The following ZFYVE28 variants were observed in gnomAD, a reference collection of about 807,000 sequenced individuals.
ZFYVE28 encodes the protein zinc finger FYVE-type containing 28, also known as lateral signaling target protein 2 homolog.
A neutral mutation model predicts 82.1 loss-of-function variants in ZFYVE28; 40 were observed. The observed-to-expected ratio is 0.49, with a 90% CI of 0.38 to 0.63. The LOEUF (loss-of-function observed/expected upper bound fraction) is 0.63, where lower values mean the gene tolerates loss of function less well. Ranked by LOEUF, ZFYVE28 falls within the 30% of genes least tolerant of loss-of-function variation. The pLI, the probability that ZFYVE28 is intolerant of heterozygous loss-of-function variation, is 0.00. For synonymous variants in ZFYVE28, 612 were observed against 546.1 expected, an observed-to-expected ratio of 1.12 and a Z score of -1.68; for missense variants, 1,321 against 1,242.1, an observed-to-expected ratio of 1.06 and a Z score of -0.96.
intron 8 of ZFYVE28, among the ~76,000 whole-genome samples, chr4:2,274,707 A>T (rs576826770): frequency 4.6e-5 from 7 of 152,278 alleles, no homozygotes; most frequent in Admixed American, 2.0e-4. Flanking sequence ...AGATGAAGAG[A>T]TTGCCCTGAA....
intron 5 of ZFYVE28, among the ~76,000 whole-genome samples, chr4:2,336,475 G>A (rs1282044500): frequency 6.6e-6 from 1 of 152,032 alleles, no homozygotes. Context: ...AAACATCAAG[G>A]TTACATCTTA....
intron 6 of ZFYVE28, among the ~76,000 whole-genome samples, chr4:2,328,020 A>C (rs920275048): frequency 2.6e-5 from 4 of 152,040 alleles, no homozygotes; most frequent in Non-Finnish European, 5.9e-5. Context: ...AAAACTACAA[A>C]TATAATTGCC....
At chr4:2,275,075 G>C (rs986266656) in intron 8 of ZFYVE28, among the ~76,000 whole-genome samples, 6 of 152,076 alleles carry the variant, frequency 3.9e-5, no homozygotes, top group Admixed American at 2.6e-4. Context: ...GGACCTCCAG[G>C]GGCCTCTGCA....
At chr4:2,361,847 T>C (rs1726209078) in intron 1 of ZFYVE28, among the ~76,000 whole-genome samples, 1 of 152,168 alleles carries the variant, frequency 6.6e-6, no homozygotes. Flanking sequence ...AGACACCTTG[T>C]CACTCCAGGG....
Position 2,362,501 on chromosome 4 carries a change from C to T in ZFYVE28, c.40-8428G>A, listed in dbSNP as rs370230238. Among the ~76,000 whole-genome samples the T allele has an allele frequency of 1.8e-4, 28 of 152,218 alleles. 1 individual carries two copies. In the South Asian group the frequency reaches 5.8e-3, roughly 32 times the overall value. ...TTGTTCACTGCTGCCAATCACAGGC[C>T]CAGCCCCTCCTGCACATGCCCAACC... On this transcript the variant is annotated intron_variant, in intron 1 of 12. Coordinates refer to ENST00000290974, the MANE Select transcript of ZFYVE28 (RefSeq NM_020972.3). This position sits in a 1 kb window ranked among gnomAD's most constrained non-coding sequence, Gnocchi z 5.1.
intron 8 of ZFYVE28, among the ~76,000 whole-genome samples, chr4:2,294,381 T>G (rs146293446): frequency 6.6e-6 from 1 of 152,222 alleles, no homozygotes; most frequent in Non-Finnish European, 1.5e-5. Context: ...TCTGGAATAA[T>G]TGACTTTCCT....
chr4:2,344,702 G>A (rs992244748), intron 2 of ZFYVE28, among the ~76,000 whole-genome samples: 2 of 151,644 alleles, frequency 1.3e-5, no homozygotes, highest in Admixed American at 1.3e-4. Context: ...TTCGAGACCA[G>A]CCAGGCCAAC....
intron 6 of ZFYVE28, among the ~76,000 whole-genome samples, chr4:2,333,339 C>T (rs1721032561): frequency 1.3e-5 from 2 of 148,224 alleles, no homozygotes; most frequent in Non-Finnish European, 3.0e-5. Context: ...CCTCCCCTTG[C>T]CTCCCAGGAT....
chr4:2,347,400 C>G (rs1332464619), intron 2 of ZFYVE28, among the ~76,000 whole-genome samples: 1 of 152,182 alleles, frequency 6.6e-6, no homozygotes, highest in Non-Finnish European at 1.5e-5. Flanking sequence ...CTTAGCAATG[C>G]TGCTAAAACA....
chr4:2,330,000 G>T (rs1720420641), intron 6 of ZFYVE28, among the ~76,000 whole-genome samples: 1 of 152,170 alleles, frequency 6.6e-6, no homozygotes, highest in Non-Finnish European at 1.5e-5. Context: ...AAGAGTTATA[G>T]TCTAGTGGGG....
rs1029687370 is a variant in ZFYVE28, at chr4:2,332,304, C to A, written c.701+3401G>T. Among the ~76,000 whole-genome samples the A allele has an allele frequency of 1.3e-5, 2 of 152,152 alleles. No homozygotes were observed. The highest frequency in any genetic ancestry group is 4.8e-5 in the African/African-American group (2 of 41,424). ...GCCCAGGAATGCAGGCTAGAGGGGT[C>A]TTCATTTCTGCAGAAGTTCCTGCGG... On this transcript the variant is annotated intron_variant, in intron 6 of 12. Coordinates refer to ENST00000290974, the MANE Select transcript of ZFYVE28 (RefSeq NM_020972.3). The surrounding 1 kb of genome is among the most constrained non-coding windows in gnomAD (Gnocchi z 4.7).
rs554453778 is a variant in ZFYVE28 at position 2,306,467 on chromosome 4, T to C, written c.804-931A>G. Among the ~76,000 whole-genome samples the C allele has an allele frequency of 9.2e-5, 14 of 152,280 alleles. No individual in the cohort carries two copies. In the East Asian group the frequency reaches 2.5e-3, roughly 27 times the overall value. On this transcript the variant is annotated intron_variant, in intron 7 of 12. Coordinates refer to ENST00000290974, the MANE Select transcript of ZFYVE28 (RefSeq NM_020972.3). ...CTCGCATGACACCATCCTGACTCCA[T>C]AGGCCGAGGCACGCACCTGCTCTGC...
At chr4:2,384,137 C>T (rs1478790266) in intron 1 of ZFYVE28, among the ~76,000 whole-genome samples, 1 of 152,154 alleles carries the variant, frequency 6.6e-6, no homozygotes, top group Non-Finnish European at 1.5e-5. Context: ...CCACATTCTA[C>T]CCACAGGGAA....
At chr4:2,382,766 G>A (rs989710782) in intron 1 of ZFYVE28, among the ~76,000 whole-genome samples, 6 of 152,100 alleles carry the variant, frequency 3.9e-5, no homozygotes, top group Non-Finnish European at 7.4e-5. Context: ...TCCATTTTTA[G>A]GCTGCTGATA....
intron 8 of ZFYVE28, among the ~76,000 whole-genome samples, chr4:2,292,488 T>C (rs932280880): frequency 6.6e-6 from 1 of 152,132 alleles, no homozygotes; most frequent in Non-Finnish European, 1.5e-5. Context: ...GGCAGGGCTG[T>C]GGCGAGGGCC....
At chr4:2,368,646 AT>A (rs1197582578) in intron 1 of ZFYVE28, among the ~76,000 whole-genome samples, 1 of 152,216 alleles carries the variant, frequency 6.6e-6, no homozygotes, top group Non-Finnish European at 1.5e-5. Context: ...GTTCATCCAC[AT>A]TACAGCATAA....
chr4:2,336,683 A>T (rs1721759453), intron 5 of ZFYVE28, among the ~76,000 whole-genome samples: 1 of 150,832 alleles, frequency 6.6e-6, no homozygotes, highest in South Asian at 2.1e-4. Context: ...AGGATTGAGG[A>T]GGTGAGGAGT....
rs149721712 is a variant in ZFYVE28 at position 2,305,013 on chromosome 4, C to T, written c.1327G>A (p.Gly443Arg). 9.5e-5 allele frequency: 153 copies of T among 1,612,784 alleles called. 1 individual carries two copies. The South Asian group carries it at 1.4e-3, about 14-fold the overall frequency. ...GCGGGCAAGCTGATCCCCGCCGCTC[C>T]GCCTGGCCCACCCTGCCCTTTCTCC... is the stretch of plus-strand genomic sequence containing the variant. ...PQEKGQGGPGGAAGISLPASE... is the reference protein window; with the variant it reads ...PQEKGQGGPGRAAGISLPASE... Residue 443 changes from glycine (G) to arginine (R), a missense_variant, in exon 8 of 13, where the codon GGA (glycine) becomes AGA (arginine). Coordinates refer to ENST00000290974, the MANE Select transcript of ZFYVE28 (RefSeq NM_020972.3).
At chr4:2,357,796 A>G (rs562684177) in intron 1 of ZFYVE28, among the ~76,000 whole-genome samples, 1 of 152,286 alleles carries the variant, frequency 6.6e-6, no homozygotes, top group South Asian at 2.1e-4. Flanking sequence ...CTCGGCTCTG[A>G]GAAAGAGGAC....
Sources: gnomAD v4.1 joint callset for allele counts (sites outside exome capture counted in the v4.1 genomes callset) on GRCh38, gnomAD v4.1.1 for gene constraint, Gnocchi (gnomAD v3.1) non-coding constraint, MANE v1.5 for transcripts, NCBI Gene and HGNC (gene_info 2026-07-23, HGNC 2026-07-21) for gene names.